XYLT1: variants seen among roughly 807,000 people sequenced by gnomAD.
XYLT1 encodes the protein beta-D-xylosyltransferase 1.
Under a neutral mutation model 91.3 loss-of-function variants are expected in XYLT1, and 36 were observed. The observed-to-expected ratio is 0.39, with a 90% CI of 0.30 to 0.52. The LOEUF (loss-of-function observed/expected upper bound fraction) is 0.52, where lower values mean the gene tolerates loss of function less well. XYLT1 is among the 20% of genes least tolerant of loss of function. The probability of loss-of-function intolerance (pLI) is 0.68; values close to 1 mark genes in which losing one functional copy is unlikely to be tolerated. For synonymous variants in XYLT1, 588 were observed against 532.0 expected (o/e 1.11, Z -1.45); for missense variants, 1,242 against 1,284.5 (o/e 0.97, Z 0.51).
intron 2 of XYLT1, among the ~76,000 whole-genome samples, chr16:17,286,587 C>G (rs1370270255): frequency 6.6e-6 from 1 of 152,172 alleles, no homozygotes; most frequent in Admixed American, 6.5e-5. Flanking sequence ...CATTAGCTAG[C>G]CACACTTAGG....
intron 1 of XYLT1, among the ~76,000 whole-genome samples, chr16:17,466,900 A>AC (rs398119268): frequency 2.0e-5 from 3 of 152,100 alleles, no homozygotes; most frequent in Non-Finnish European, 2.9e-5. Context: ...GAAAAAAAAA[A>AC]CGAACCATCA....
chr16:17,436,911 T>A (rs957635790), intron 1 of XYLT1, among the ~76,000 whole-genome samples: 9 of 152,106 alleles, frequency 5.9e-5, no homozygotes, highest in Non-Finnish European at 5.9e-5. Context: ...AACATATGGG[T>A]TTCCCAGAGA....
chr16:17,243,748 G>A (rs2033386654), intron 3 of XYLT1, among the ~76,000 whole-genome samples: 1 of 152,196 alleles, frequency 6.6e-6, no homozygotes, highest in African/African-American at 2.4e-5. Context: ...GGACTCTTCA[G>A]GCTGGGGAGA....
chr16:17,198,181 A>C (rs546082158), intron 5 of XYLT1, 31 bp downstream of exon 5: 1 of 1,613,010 alleles, frequency 6.2e-7, no homozygotes, highest in East Asian at 2.2e-5. Context: ...GACGTCAGAC[A>C]AGACTGGCTT....
At chr16:17,319,384 C>T (rs565608449) in intron 2 of XYLT1, among the ~76,000 whole-genome samples, 155 of 152,130 alleles carry the variant, frequency 1.0e-3, no homozygotes, top group African/African-American at 3.5e-3. Flanking sequence ...TCCCAAATTC[C>T]GCATCAGAAC....
intron 1 of XYLT1, among the ~76,000 whole-genome samples, chr16:17,419,214 T>C (rs2036219203): frequency 6.6e-6 from 1 of 151,844 alleles, no homozygotes; most frequent in African/African-American, 2.4e-5. Flanking sequence ...TGGTGGTGAA[T>C]GCCTGTAGTC....
intron 2 of XYLT1, among the ~76,000 whole-genome samples, chr16:17,327,790 T>C (rs1224114699): frequency 6.6e-6 from 1 of 152,062 alleles, no homozygotes; most frequent in African/African-American, 2.4e-5. Context: ...TTTCCTCGTC[T>C]TAAATTCCAT....
In XYLT1 at chr16:17,384,469, T is replaced by A. The variant is rs926440735; in HGVS notation, c.364-26419A>T. On this transcript the variant is annotated intron_variant, in intron 1 of 11. Transcript: ENST00000261381. ...TTTTGAACTGCAAAGTGTTTTTAAA[T>A]TTTTCAATTAGCCGCCAATGTTCAA... 2.6e-5 allele frequency among the ~76,000 whole-genome samples: 4 copies of A among 151,880 alleles called. 1 individual carries two copies. Among genetic ancestry groups the A allele is most frequent in the Admixed American group, 1.3e-4 (2 of 15,158 alleles).
intron 2 of XYLT1, among the ~76,000 whole-genome samples, chr16:17,351,471 C>A (rs1297554820): frequency 6.6e-6 from 1 of 152,116 alleles, no homozygotes; most frequent in African/African-American, 2.4e-5. Context: ...CAAGATCACA[C>A]CATTGCATTC....
intron 2 of XYLT1, among the ~76,000 whole-genome samples, chr16:17,353,858 T>C (rs2035255868): frequency 6.6e-6 from 1 of 152,236 alleles, no homozygotes; most frequent in South Asian, 2.1e-4. Flanking sequence ...AAGATAAGAT[T>C]CTGATGTCAT....
At chr16:17,188,106 C>T (rs1415285950) in intron 5 of XYLT1, among the ~76,000 whole-genome samples, 1 of 151,984 alleles carries the variant, frequency 6.6e-6, no homozygotes, top group African/African-American at 2.4e-5. Context: ...CAGGAAGCTC[C>T]TTATGGCTTC....
At chr16:17,310,174 C>T (rs13333610) in intron 2 of XYLT1, among the ~76,000 whole-genome samples, 2,491 of 152,350 alleles carry the variant, frequency 0.016, 45 homozygotes, top group African/African-American at 0.046. Context: ...ATTCACTTCC[C>T]TCCAGCCCTA....
At chr16:17,288,001 G>A (rs918732512) in intron 2 of XYLT1, among the ~76,000 whole-genome samples, 11 of 149,948 alleles carry the variant, frequency 7.3e-5, no homozygotes, top group Admixed American at 2.7e-4. Context: ...CAGCATAATC[G>A]TAGCTCACTG....
intron 1 of XYLT1, among the ~76,000 whole-genome samples, chr16:17,364,819 C>T (rs548272968): frequency 1.6e-4 from 24 of 152,262 alleles, no homozygotes; most frequent in Admixed American, 4.6e-4. Context: ...AGAAACTAGT[C>T]CTTTAACCGA....
chr16:17,104,667 C>A lies in XYLT1; in HGVS notation c.*4028G>T, dbSNP rs9934313. 92,968 of 151,456 alleles carry A rather than the reference C, an allele frequency of 0.61. 30,233 individuals are homozygous for A. Among genetic ancestry groups the A allele is most frequent in the African/African-American group, 0.85 (34,859 of 40,986 alleles). The allele number at this position is 151,456 out of a possible 1,614,324, so 9.4% of individuals were successfully genotyped here. On this transcript the variant is annotated 3_prime_UTR_variant, in exon 12 of 12. Transcript: ENST00000261381. ...AAAAAAACAAAAACAAACAAACAAA[C>A]AACCCGACGTTGAAAAATCAGATTT...
At chr16:17,422,752 G>C (rs145825032) in intron 1 of XYLT1, among the ~76,000 whole-genome samples, 1 of 152,112 alleles carries the variant, frequency 6.6e-6, no homozygotes, top group Non-Finnish European at 1.5e-5. Flanking sequence ...CTGACTTCAG[G>C]TGATCCGCCC....
At chr16:17,240,626 C>A (rs1019095632) in intron 3 of XYLT1, among the ~76,000 whole-genome samples, 1 of 152,132 alleles carries the variant, frequency 6.6e-6, no homozygotes, top group South Asian at 2.1e-4. Context: ...GAGAACTAAC[C>A]TTTTTCAAGC....
chr16:17,380,688 T>C (rs1364587405), intron 1 of XYLT1, among the ~76,000 whole-genome samples: 1 of 152,230 alleles, frequency 6.6e-6, no homozygotes, highest in Admixed American at 6.5e-5. Context: ...TGAACAGCTA[T>C]TGGCATATCT....
At chr16:17,455,366 A>C (rs904667644) in intron 1 of XYLT1, among the ~76,000 whole-genome samples, 4 of 152,206 alleles carry the variant, frequency 2.6e-5, no homozygotes, top group African/African-American at 9.7e-5. Context: ...CAAAAACAGA[A>C]GTATAAAGAG....
Sources: gnomAD v4.1 joint callset for allele counts (sites outside exome capture counted in the v4.1 genomes callset) on GRCh38, gnomAD v4.1.1 for gene constraint, MANE v1.5 for transcripts, NCBI Gene and HGNC (gene_info 2026-07-23, HGNC 2026-07-21) for gene names.